Variants in OSBPL6 observed in about 807,000 individuals in gnomAD.
OSBPL6 encodes oxysterol-binding protein-related protein 6.
A neutral mutation model predicts 125.8 loss-of-function variants in OSBPL6; 49 were observed. The ratio of observed to expected loss-of-function variants is 0.39; its 90% CI spans 0.31 to 0.49. OSBPL6 has a LOEUF of 0.49. Ranked by LOEUF, OSBPL6 falls within the 20% of genes least tolerant of loss-of-function variation. The pLI is 0.88. For synonymous variants in OSBPL6, 394 were observed against 391.8 expected (o/e 1.01, Z -0.07); for missense variants, 986 against 1,135.4 (o/e 0.87, Z 1.89).
chr2:178,258,470 A>G (rs1456754652), intron 1 of OSBPL6, among the ~76,000 whole-genome samples: 1 of 152,146 alleles, frequency 6.6e-6, no homozygotes, highest in Non-Finnish European at 1.5e-5. Flanking sequence ...AATACTGTAC[A>G]CCTATGTACC....
rs1377050590 is a variant in OSBPL6 at position 178,332,985 on chromosome 2, T to C, written c.601T>C (p.Ser201Pro). The change falls in exon 8 of 25, where the codon TCA becomes CCA. Residue 201 changes from serine to proline, a missense_variant. This residue lies in a region of OSBPL6 where 843 missense variants were observed against 997.3 expected (regional missense o/e 0.85). Coordinates refer to ENST00000190611, the MANE Select transcript of OSBPL6 (RefSeq NM_032523.4). ...PRDASFHIFP[S>P]TSTAESSPAA... Reference sequence around the variant, plus strand: ...AGATGCTAGTTTTCACATATTTCCTTCAACGTCCACAGCTGAATCCTCACC... The same window carrying C: ...AGATGCTAGTTTTCACATATTTCCTCCAACGTCCACAGCTGAATCCTCACC... 2 of 1,614,088 alleles carry C rather than the reference T, an allele frequency of 1.2e-6. No individual in the cohort carries two copies. The highest frequency in any genetic ancestry group is 2.7e-5 in the African/African-American group (2 of 74,940).
intron 11 of OSBPL6, among the ~76,000 whole-genome samples, chr2:178,348,791 T>C (rs960647690): frequency 6.6e-6 from 1 of 152,252 alleles, no homozygotes; most frequent in Non-Finnish European, 1.5e-5. Context: ...AATCTTCCAG[T>C]ATATGCATCT....
chr2:178,323,259 G>A lies in OSBPL6; in HGVS notation c.103-918G>A, dbSNP rs940961062. Among the ~76,000 whole-genome samples the A allele has an allele frequency of 3.9e-5, 6 of 152,124 alleles. No individual in the cohort carries two copies. In the South Asian group the frequency reaches 6.2e-4, roughly 16 times the overall value. On this transcript the variant is annotated intron_variant, in intron 3 of 24. Transcript: ENST00000190611. ...TGATTCTCTTTTTGAATACTTCTAAGTTAGAACATCTTTTCAAATGTTTTA... is the reference window on the plus strand; with the variant it reads ...TGATTCTCTTTTTGAATACTTCTAAATTAGAACATCTTTTCAAATGTTTTA...
At chr2:178,322,374 A>G (rs1385090852) in intron 3 of OSBPL6, among the ~76,000 whole-genome samples, 1 of 152,212 alleles carries the variant, frequency 6.6e-6, no homozygotes, top group African/African-American at 2.4e-5. Context: ...AAAGTAAGCA[A>G]AAGCAGTAGC....
intron 11 of OSBPL6, among the ~76,000 whole-genome samples, chr2:178,347,794 A>T (rs569193501): frequency 5.3e-5 from 8 of 152,208 alleles, no homozygotes; most frequent in East Asian, 3.8e-4. Flanking sequence ...AGCCCAGTGT[A>T]GCCAAGTTCT....
At chr2:178,333,138 T>A in intron 8 of OSBPL6, 97 bp downstream of exon 8, 2 of 1,357,036 alleles carry the variant, frequency 1.5e-6, no homozygotes, top group Non-Finnish European at 2.1e-6. Context: ...ATCCCAGCAC[T>A]TTGGGAGGCC....
chr2:178,227,398 C>A (rs192172308), intron 1 of OSBPL6, among the ~76,000 whole-genome samples: 4 of 152,298 alleles, frequency 2.6e-5, no homozygotes, highest in Admixed American at 1.3e-4. Flanking sequence ...GGCATTATGT[C>A]ATAGAATTGA....
Position 178,395,522 on chromosome 2 carries a change from C to T in OSBPL6, c.2768C>T (p.Pro923Leu). The change falls in exon 25 of 25, where the codon CCT (proline) becomes CTT (leucine). Residue 923 changes from proline (P) to leucine (L), a missense_variant. This residue lies in a region of OSBPL6 where 843 missense variants were observed against 997.3 expected (regional missense o/e 0.85). Transcript: ENST00000190611. ...ACCTACTGGGAGCTTCGAAAGGACCCTGGGTTTAGCAAAGTAGACAGCCCT... is the reference window on the plus strand; with the variant it reads ...ACCTACTGGGAGCTTCGAAAGGACCTTGGGTTTAGCAAAGTAGACAGCCCT... ...NDTYWELRKD[P>L]GFSKVDSPVL... 1 of 1,613,746 alleles carries T rather than the reference C, an allele frequency of 6.2e-7. No homozygotes were observed. Among genetic ancestry groups the T allele is most frequent in the African/African-American group, 1.3e-5 (1 of 74,996 alleles).
chr2:178,339,729 A>C lies in OSBPL6; in HGVS notation c.952A>C (p.Lys318Gln), dbSNP rs1357165514. ...GCGGGTCACAAGACGATGGAGAACAAAAAGTGTCAGCAAAGATACAAAAAT... is the reference window on the plus strand; with the variant it reads ...GCGGGTCACAAGACGATGGAGAACACAAAGTGTCAGCAAAGATACAAAAAT... ...DKRVTRRWRTKSVSKDTKIQL... is the reference protein window; with the variant it reads ...DKRVTRRWRTQSVSKDTKIQL... The change falls in exon 11 of 25, where the codon AAA (lysine) becomes CAA (glutamine). Residue 318 changes from lysine to glutamine, a missense_variant. By Grantham distance (53) the Lys-to-Gln change is moderately conservative (BLOSUM62 1). Transcript: ENST00000190611. 6.2e-7 allele frequency: 1 copy of C among 1,606,362 alleles called. No homozygotes were observed. The highest frequency in any genetic ancestry group is 8.5e-7 in the Non-Finnish European group (1 of 1,176,716).
At position 178,349,211 on chromosome 2, in the gene OSBPL6, C is replaced by A; in HGVS notation, c.988-13C>A. 6.2e-7 allele frequency: 1 copy of A among 1,613,214 alleles called. No homozygotes were observed. The highest frequency in any genetic ancestry group is 1.1e-5 in the South Asian group (1 of 91,056). On this transcript the variant is annotated splice_polypyrimidine_tract_variant and intron_variant, in intron 11 of 24. Coordinates refer to ENST00000190611, the MANE Select transcript of OSBPL6 (RefSeq NM_032523.4). ...ACTGTTGCTGTTTAATAATTTGTAT[C>A]TTCCCCTTTCAGGTTCCTTTCAGTG...
intron 3 of OSBPL6, among the ~76,000 whole-genome samples, chr2:178,321,896 A>G (rs1688277894): frequency 6.6e-6 from 1 of 152,222 alleles, no homozygotes; most frequent in South Asian, 2.1e-4. Context: ...CTTCCATAAT[A>G]TAAACTGTTT....
chr2:178,334,469 T>G (rs1471681371), intron 8 of OSBPL6, among the ~76,000 whole-genome samples: 1 of 152,214 alleles, frequency 6.6e-6, no homozygotes, highest in Admixed American at 6.5e-5. Flanking sequence ...TTTTGATAGA[T>G]CCTATTAACG....
chr2:178,234,706 T>G (rs567485769), intron 1 of OSBPL6, among the ~76,000 whole-genome samples: 28 of 152,320 alleles, frequency 1.8e-4, no homozygotes, highest in Non-Finnish European at 4.0e-4. Context: ...TAAGGTCCAA[T>G]TTATCCATTT....
At chr2:178,319,911 G>T (rs1237549536) in intron 3 of OSBPL6, among the ~76,000 whole-genome samples, 1 of 152,186 alleles carries the variant, frequency 6.6e-6, no homozygotes, top group Non-Finnish European at 1.5e-5. Context: ...AGATAGTTAG[G>T]TGAACAATTT....
Position 178,332,931 on chromosome 2 carries a change from C to T in OSBPL6, c.547C>T (p.Arg183Cys). Residue 183 changes from arginine (R) to cysteine (C), a missense_variant, in exon 8 of 25, where the codon CGT becomes TGT. By Grantham distance (180) the Arg-to-Cys change is radical. This residue lies in a region of OSBPL6 where 843 missense variants were observed against 997.3 expected (regional missense o/e 0.85). Coordinates refer to ENST00000190611, the MANE Select transcript of OSBPL6 (RefSeq NM_032523.4). ...CAAACTGCGACATCATCGGTTGTATCGTCAGAATGAAATTGTGAGATCACC... is the reference window on the plus strand; with the variant it reads ...CAAACTGCGACATCATCGGTTGTATTGTCAGAATGAAATTGTGAGATCACC... Reference protein sequence around the residue: ...VSKLRHHRLYRQNEIVRSPRD... With the variant: ...VSKLRHHRLYCQNEIVRSPRD... 21 of 1,614,092 alleles carry T rather than the reference C, an allele frequency of 1.3e-5. No individual in the cohort carries two copies. The highest frequency in any genetic ancestry group is 1.8e-5 in the Non-Finnish European group (21 of 1,179,960).
At chr2:178,288,048 C>A (rs1684877901) in intron 2 of OSBPL6, among the ~76,000 whole-genome samples, 1 of 151,896 alleles carries the variant, frequency 6.6e-6, no homozygotes, top group South Asian at 2.1e-4. Context: ...AGTATTCAAC[C>A]CTGACATGGT....
Position 178,329,848 on chromosome 2 carries a change from G to A in OSBPL6, c.318+1470G>A, listed in dbSNP as rs538540937. Among the ~76,000 whole-genome samples, 177 of 152,348 alleles carry A rather than the reference G, an allele frequency of 1.2e-3. 3 individuals carry two copies. In the Middle Eastern group the frequency reaches 0.017, roughly 15 times the overall value. On this transcript the variant is annotated intron_variant, in intron 5 of 24. Transcript: ENST00000190611. ...ATAAATTTATTGGCCCAAATGGCCA[G>A]TGGTGGCTGCCCATTGGCTCAGTGC...
chr2:178,347,158 C>T (rs1256941160), intron 11 of OSBPL6, among the ~76,000 whole-genome samples: 1 of 152,104 alleles, frequency 6.6e-6, no homozygotes, highest in African/African-American at 2.4e-5. Context: ...CCTGGACTCC[C>T]TGGGTTTTCA....
intron 13 of OSBPL6, among the ~76,000 whole-genome samples, chr2:178,364,130 G>A (rs1303522356): frequency 2.0e-5 from 3 of 152,184 alleles, no homozygotes; most frequent in Non-Finnish European, 4.4e-5. Context: ...CGTTGGAGAG[G>A]TGTCTGGAGA....
Sources: gnomAD v4.1 joint callset for allele counts (sites outside exome capture counted in the v4.1 genomes callset) on GRCh38, gnomAD v4.1.1 for gene constraint, gnomAD v4.1.1 regional missense constraint, MANE v1.5 for transcripts, NCBI Gene and HGNC (gene_info 2026-07-23, HGNC 2026-07-21) for gene names.